Variants in ZDHHC18 observed in about 807,000 individuals in gnomAD.
The protein encoded by ZDHHC18 is zDHHC palmitoyltransferase 18.
Under a neutral mutation model 37.5 loss-of-function variants are expected in ZDHHC18, and 23 were observed. The observed-to-expected ratio is 0.61, with a 90% CI of 0.44 to 0.87. The LOEUF (loss-of-function observed/expected upper bound fraction) is 0.87, where lower values mean the gene tolerates loss of function less well. Ranked by LOEUF, ZDHHC18 falls within the 40% of genes least tolerant of loss-of-function variation. The probability of loss-of-function intolerance (pLI) is 0.00; values close to 1 mark genes in which losing one functional copy is unlikely to be tolerated. For synonymous variants in ZDHHC18, 185 were observed against 218.7 expected, an observed-to-expected ratio of 0.85 and a Z score of 1.36; for missense variants, 406 against 525.6, an observed-to-expected ratio of 0.77 and a Z score of 2.22.
chr1:26,852,685 CTA>C, intron 6 of ZDHHC18, 66 bp from the exon 7 acceptor site: 1 of 1,427,770 alleles, frequency 7.0e-7, no homozygotes, highest in African/African-American at 1.4e-5. Context: ...TCCCCAGCCT[CTA>C]GACCTGCCTC....
rs1305578900 is a variant in ZDHHC18 at position 26,850,194 on chromosome 1, C to T, written c.647-107C>T. 6 of 1,415,570 alleles carry T rather than the reference C, an allele frequency of 4.2e-6. No individual in the cohort carries two copies. The highest frequency in any genetic ancestry group is 1.4e-5 in the African/African-American group (1 of 70,060). The allele number at this position is 1,415,570 out of a possible 1,614,324, so 87.7% of individuals were successfully genotyped here. A position where few individuals can be genotyped will look rare whatever the true frequency, so the allele number is the denominator to read the frequency against. On this transcript the variant is annotated intron_variant, in intron 3 of 7. Transcript: ENST00000374142. This position sits in a 1 kb window ranked among gnomAD's most constrained non-coding sequence, Gnocchi z 6.1. ...AAGGCCTGGGAGCCAGCTGGTGCTGCGAGAGTGAACGGGGTAGGAAAGCCC... is the reference window on the plus strand; with the variant it reads ...AAGGCCTGGGAGCCAGCTGGTGCTGTGAGAGTGAACGGGGTAGGAAAGCCC...
chr1:26,845,241 T>C (rs2081657679), intron 2 of ZDHHC18, among the ~76,000 whole-genome samples: 1 of 149,520 alleles, frequency 6.7e-6, no homozygotes, highest in Non-Finnish European at 1.5e-5. Context: ...ATATTCTTCA[T>C]ACAAGTCCTT....
rs1183637540 is a variant in ZDHHC18, at chr1:26,850,611, C to T, written c.833+5C>T. On this transcript the variant is annotated splice_donor_5th_base_variant and intron_variant, in intron 5 of 7. Coordinates refer to ENST00000374142, the MANE Select transcript of ZDHHC18 (RefSeq NM_032283.3). The surrounding 1 kb of genome is among the most constrained non-coding windows in gnomAD (Gnocchi z 6.1). ...TCTGAAGGAGACACCAGCAAGATATCCTTTGTCAGCTAGAGGACACTCCAG... is the reference window on the plus strand; with the variant it reads ...TCTGAAGGAGACACCAGCAAGATATTCTTTGTCAGCTAGAGGACACTCCAG... 2.5e-6 allele frequency: 4 copies of T among 1,614,130 alleles called. No homozygotes were observed. Among genetic ancestry groups the T allele is most frequent in the East Asian group, 2.2e-5 (1 of 44,882 alleles).
chr1:26,848,854 T>A, intron 3 of ZDHHC18, 97 bp downstream of exon 3: 3 of 1,493,784 alleles, frequency 2.0e-6, no homozygotes, highest in Non-Finnish European at 1.8e-6. Context: ...GTGGGCAGGG[T>A]CTGAAATACC....
At chr1:26,830,802 GAT>G (rs1373951186) in intron 1 of ZDHHC18, among the ~76,000 whole-genome samples, 1 of 151,828 alleles carries the variant, frequency 6.6e-6, no homozygotes, top group African/African-American at 2.4e-5. Context: ...TTGTTGTTGA[GAT>G]AGAGTTTTGC....
chr1:26,832,374 G>T, intron 1 of ZDHHC18, 73 bp from the exon 2 acceptor site: 1 of 1,571,684 alleles, frequency 6.4e-7, no homozygotes, highest in Non-Finnish European at 8.7e-7. Flanking sequence ...GACAGCGCCT[G>T]CCACGTGCTG....
At chr1:26,835,460 T>C (rs533829557) in intron 2 of ZDHHC18, among the ~76,000 whole-genome samples, 1 of 152,276 alleles carries the variant, frequency 6.6e-6, no homozygotes, top group South Asian at 2.1e-4. Context: ...CCCAGCACTT[T>C]GGGAGGCCGA....
At chr1:26,836,450 A>G (rs1015650218) in intron 2 of ZDHHC18, among the ~76,000 whole-genome samples, 2 of 151,836 alleles carry the variant, frequency 1.3e-5, no homozygotes, top group Non-Finnish European at 2.9e-5. Context: ...TCCCCCCACA[A>G]ACCCCACAGA....
chr1:26,843,791 A>G (rs2081650123), intron 2 of ZDHHC18, among the ~76,000 whole-genome samples: 1 of 150,684 alleles, frequency 6.6e-6, no homozygotes, highest in African/African-American at 2.4e-5. Context: ...TTCCGTCTCA[A>G]AAAAAAAAGG....
Position 26,856,230 on chromosome 1 carries a change from G to A in ZDHHC18, c.*2387G>A. ...TGCCATCTCCTGCACAGCCTGAGGG[G>A]AGCTAACAGGCCTCTTTGCAGAGGG... On this transcript the variant is annotated 3_prime_UTR_variant, in exon 8 of 8. Coordinates refer to ENST00000374142, the MANE Select transcript of ZDHHC18 (RefSeq NM_032283.3). The surrounding 1 kb of genome is among the most constrained non-coding windows in gnomAD (Gnocchi z 5.2). 1 of 453,018 alleles carries A rather than the reference G, an allele frequency of 2.2e-6. No homozygotes were observed. Among genetic ancestry groups the A allele is most frequent in the South Asian group, 1.5e-5 (1 of 64,518 alleles). The allele number at this position is 453,018 out of a possible 1,614,324, so 28.1% of individuals were successfully genotyped here.
Position 26,856,121 on chromosome 1 carries a change from C to G in ZDHHC18, c.*2278C>G. On this transcript the variant is annotated 3_prime_UTR_variant, in exon 8 of 8. Coordinates refer to ENST00000374142, the MANE Select transcript of ZDHHC18 (RefSeq NM_032283.3). The surrounding 1 kb of genome is among the most constrained non-coding windows in gnomAD (Gnocchi z 5.2). ...AGCTTCCCTGGCTACCACCTCCAAC[C>G]TGGGCACCAGGGCCCAGCCAGACAA... is the stretch of plus-strand genomic sequence containing the variant. The G allele has an allele frequency of 4.7e-6, 2 of 427,566 alleles. No homozygotes were observed. Among genetic ancestry groups the G allele is most frequent in the Non-Finnish European group, 9.8e-6 (2 of 203,486 alleles). The allele number at this position is 427,566 out of a possible 1,614,324, so 26.5% of individuals were successfully genotyped here.
At position 26,855,536 on chromosome 1, in the gene ZDHHC18, G is replaced by A. The variant is rs1456974955; in HGVS notation, c.*1693G>A. Reference sequence around the variant, plus strand: ...CTAGTGGTCACAGACAGCTGGGAATGGCAGCCACAGAGGGTCCCCTCTGGG... The same window carrying A: ...CTAGTGGTCACAGACAGCTGGGAATAGCAGCCACAGAGGGTCCCCTCTGGG... On this transcript the variant is annotated 3_prime_UTR_variant, in exon 8 of 8. Coordinates refer to ENST00000374142, the MANE Select transcript of ZDHHC18 (RefSeq NM_032283.3). The A allele has an allele frequency of 6.5e-6, 1 of 152,774 alleles. No individual in the cohort carries two copies. Among genetic ancestry groups the A allele is most frequent in the Non-Finnish European group, 1.5e-5 (1 of 68,160 alleles). The allele number at this position is 152,774 out of a possible 1,614,324, so 9.5% of individuals were successfully genotyped here.
intron 1 of ZDHHC18, among the ~76,000 whole-genome samples, chr1:26,828,891 C>T (rs1029427147): frequency 5.9e-5 from 9 of 152,044 alleles, no homozygotes; most frequent in African/African-American, 1.2e-4. Context: ...GGGCTGCAGC[C>T]GAGGCAGGAG....
In ZDHHC18 at chr1:26,854,808, C is replaced by T. The variant is rs2081725113; in HGVS notation, c.*965C>T. ...GCTGGTTGGTTTTAATAAGTTTATT[C>T]CAAGAGACCTTCTGGCTGGAATGAG... On this transcript the variant is annotated 3_prime_UTR_variant, in exon 8 of 8. Coordinates refer to ENST00000374142, the MANE Select transcript of ZDHHC18 (RefSeq NM_032283.3). This position sits in a 1 kb window ranked among gnomAD's most constrained non-coding sequence, Gnocchi z 4.6. 6.6e-6 allele frequency: 1 copy of T among 152,492 alleles called. No individual in the cohort carries two copies. Among genetic ancestry groups the T allele is most frequent in the East Asian group, 1.9e-4 (1 of 5,206 alleles). The allele number at this position is 152,492 out of a possible 1,614,324, so 9.4% of individuals were successfully genotyped here. A position where few individuals can be genotyped will look rare whatever the true frequency, so the allele number is the denominator to read the frequency against.
Position 26,856,426 on chromosome 1 carries a change from G to A in ZDHHC18, c.*2583G>A. 2 of 284,344 alleles carry A rather than the reference G, an allele frequency of 7.0e-6. No homozygotes were observed. The highest frequency in any genetic ancestry group is 7.2e-5 in the Admixed American group (2 of 27,698). The allele number at this position is 284,344 out of a possible 1,614,324, so 17.6% of individuals were successfully genotyped here. A position where few individuals can be genotyped will look rare whatever the true frequency, so the allele number is the denominator to read the frequency against. ...AGGGTCTCCAGGGACTCCCCGCTAA[G>A]CAGAAGGATCGGGATATAGGGCAAG... On this transcript the variant is annotated 3_prime_UTR_variant, in exon 8 of 8. Transcript: ENST00000374142. The surrounding 1 kb of genome is among the most constrained non-coding windows in gnomAD (Gnocchi z 5.2).
At position 26,850,710 on chromosome 1, in the gene ZDHHC18, A is replaced by T. The variant is rs2081698778; in HGVS notation, c.833+104A>T. On this transcript the variant is annotated intron_variant, in intron 5 of 7. Coordinates refer to ENST00000374142, the MANE Select transcript of ZDHHC18 (RefSeq NM_032283.3). The surrounding 1 kb of genome is among the most constrained non-coding windows in gnomAD (Gnocchi z 6.1). ...ATCAGAAGGGAACAGCGTACAGCTCACATGTGTCCTCCAGAATCCAACATG... is the reference window on the plus strand; with the variant it reads ...ATCAGAAGGGAACAGCGTACAGCTCTCATGTGTCCTCCAGAATCCAACATG... 1.5e-6 allele frequency: 2 copies of T among 1,312,864 alleles called. No homozygotes were observed. The highest frequency in any genetic ancestry group is 2.1e-6 in the Non-Finnish European group (2 of 930,414). 81.3% of individuals were successfully genotyped at this position (1,312,864 alleles called of 1,614,324 possible).
intron 6 of ZDHHC18, among the ~76,000 whole-genome samples, chr1:26,852,072 C>T (rs1465284850): frequency 1.3e-5 from 2 of 152,234 alleles, no homozygotes; most frequent in Non-Finnish European, 2.9e-5. Context: ...TCACACATGA[C>T]AGGGCGTTGT....
At chr1:26,842,593 A>G (rs1187730997) in intron 2 of ZDHHC18, among the ~76,000 whole-genome samples, 1 of 152,252 alleles carries the variant, frequency 6.6e-6, no homozygotes, top group Non-Finnish European at 1.5e-5. Context: ...CAACCAGTCA[A>G]TGACAAAACC....
At chr1:26,829,589 C>T (rs2081574740) in intron 1 of ZDHHC18, among the ~76,000 whole-genome samples, 1 of 152,176 alleles carries the variant, frequency 6.6e-6, no homozygotes, top group South Asian at 2.1e-4. Flanking sequence ...AAGCATTTGC[C>T]ACCACCTGAC....
Sources: gnomAD v4.1 joint callset for allele counts (sites outside exome capture counted in the v4.1 genomes callset) on GRCh38, gnomAD v4.1.1 for gene constraint, Gnocchi (gnomAD v3.1) non-coding constraint, MANE v1.5 for transcripts, NCBI Gene and HGNC (gene_info 2026-07-23, HGNC 2026-07-21) for gene names.